Variants in EYS observed in about 807,000 individuals in gnomAD.
EYS encodes the protein EGF-like photoreceptor maintenance factor.
EYS carries 250 observed loss-of-function variants against 282.1 expected under a neutral mutation model. That is an observed-to-expected ratio of 0.89 (90% CI 0.80 to 0.98). The LOEUF (loss-of-function observed/expected upper bound fraction) is 0.98, where lower values mean the gene tolerates loss of function less well. EYS is among the 50% of genes least tolerant of loss of function. The pLI is 0.00. For synonymous variants in EYS, 1,355 were observed against 1,282.9 expected (o/e 1.06, Z -1.20); for missense variants, 4,016 against 3,709.0 (o/e 1.08, Z -2.15).
At chr6:64,331,649 C>T (rs1482968956) in intron 29 of EYS, among the ~76,000 whole-genome samples, 2 of 140,768 alleles carry the variant, frequency 1.4e-5, no homozygotes, top group Admixed American at 1.6e-4. Flanking sequence ...ATGGGAAAAA[C>T]TGCATTAGAG....
intron 28 of EYS, among the ~76,000 whole-genome samples, chr6:64,399,335 T>C (rs2150435014): frequency 6.6e-6 from 1 of 151,966 alleles, no homozygotes; most frequent in East Asian, 1.9e-4. Flanking sequence ...ATTATATCAA[T>C]TGACCTAAAA....
intron 11 of EYS, among the ~76,000 whole-genome samples, chr6:65,313,188 G>A (rs9445505): frequency 9.2e-5 from 14 of 151,988 alleles, no homozygotes; most frequent in African/African-American, 3.4e-4. Context: ...GGAGTCACCC[G>A]GGGCCTATTC....
intron 12 of EYS, among the ~76,000 whole-genome samples, chr6:65,145,417 G>A (rs1335797923): frequency 1.3e-5 from 2 of 151,398 alleles, no homozygotes; most frequent in Non-Finnish European, 1.5e-5. Context: ...TTGAAGCCCT[G>A]TATCTTTAGG....
intron 22 of EYS, among the ~76,000 whole-genome samples, chr6:64,748,299 C>T (rs1419268260): frequency 2.0e-5 from 3 of 152,202 alleles, no homozygotes; most frequent in Non-Finnish European, 2.9e-5. Flanking sequence ...TAGAGCAGCG[C>T]TCCCCAACAT....
chr6:63,949,676 T>G (rs543256727), intron 35 of EYS, among the ~76,000 whole-genome samples: 10 of 152,208 alleles, frequency 6.6e-5, no homozygotes, highest in Non-Finnish European at 1.3e-4. Context: ...AGACACACAG[T>G]TATTCTCATT....
rs188564520 is a variant in EYS at position 64,087,371 on chromosome 6, T to C, written c.6425-5369A>G. 5.8e-3 allele frequency among the ~76,000 whole-genome samples: 884 copies of C among 152,166 alleles called. 5 individuals carry two copies. The highest frequency in any genetic ancestry group is 0.01 in the Non-Finnish European group (703 of 67,936). On this transcript the variant is annotated intron_variant, in intron 31 of 42. Coordinates refer to ENST00000503581, the MANE Select transcript of EYS (RefSeq NM_001142800.2). ...ATAGAAGGAAACCCCAAGTTAGGAG[T>C]TGCACATGTTTTTGGGAGGTCCTGG...
At chr6:65,594,082 T>C (rs1765321094) in intron 2 of EYS, among the ~76,000 whole-genome samples, 1 of 151,980 alleles carries the variant, frequency 6.6e-6, no homozygotes. Flanking sequence ...TATATAGCAA[T>C]TAGAACAGCT....
chr6:64,912,769 G>T (rs9445437), intron 15 of EYS, 26 bp from the exon 16 acceptor site: 12 of 1,302,864 alleles, frequency 9.2e-6, no homozygotes, highest in Non-Finnish European at 1.2e-5. Flanking sequence ...AAAATTTTTA[G>T]AAGTGTGAAC....
chr6:64,807,714 G>A (rs1008568741), intron 22 of EYS, among the ~76,000 whole-genome samples: 3 of 152,004 alleles, frequency 2.0e-5, no homozygotes, highest in Non-Finnish European at 2.9e-5. Flanking sequence ...TGTTTAAAAT[G>A]TCCATTCACT....
chr6:63,776,401 G>T (rs1770065901), intron 40 of EYS, among the ~76,000 whole-genome samples: 1 of 152,014 alleles, frequency 6.6e-6, no homozygotes, highest in East Asian at 1.9e-4. Context: ...CTGATTTTGG[G>T]TCCTGCTGTA....
intron 10 of EYS, among the ~76,000 whole-genome samples, chr6:65,338,548 G>T (rs1770079159): frequency 6.6e-6 from 1 of 150,864 alleles, no homozygotes. Flanking sequence ...GTATTTCACA[G>T]GTCAACTGTA....
chr6:65,377,046 T>A (rs1273209418), intron 8 of EYS, among the ~76,000 whole-genome samples: 4 of 152,112 alleles, frequency 2.6e-5, no homozygotes, highest in Non-Finnish European at 5.9e-5. Flanking sequence ...TACAGAACTG[T>A]CCACATCAAA....
chr6:64,456,972 A>G (rs1775577389), intron 26 of EYS, among the ~76,000 whole-genome samples: 1 of 151,992 alleles, frequency 6.6e-6, no homozygotes, highest in Admixed American at 6.6e-5. Context: ...TGTAAAGCCA[A>G]TGTTATTATG....
chr6:65,164,476 T>C (rs1310124033), intron 12 of EYS, among the ~76,000 whole-genome samples: 1 of 151,426 alleles, frequency 6.6e-6, no homozygotes, highest in Non-Finnish European at 1.5e-5. Context: ...ATGCTTTCCA[T>C]TTTCTCTGCT....
At position 64,590,497 on chromosome 6, in the gene EYS, A is replaced by T; in HGVS notation, c.5370T>A (p.Asn1790Lys). The change falls in exon 26 of 43, where the codon AAT becomes AAA. Residue 1790 changes from asparagine to lysine, a missense_variant. Coordinates refer to ENST00000503581, the MANE Select transcript of EYS (RefSeq NM_001142800.2). ...SVPDFSEVTT[N>K]VAFYTVSATP... ...TTGCTGAAACTGTATAAAATGCAAC[A>T]TTGGTGGTGACTTCTGAAAAATCAG... 2 of 1,551,494 alleles carry T rather than the reference A, an allele frequency of 1.3e-6. No individual in the cohort carries two copies. Among genetic ancestry groups the T allele is most frequent in the African/African-American group, 1.4e-5 (1 of 73,162 alleles).
At chr6:64,233,464 T>C (rs1241228128) in intron 30 of EYS, among the ~76,000 whole-genome samples, 1 of 152,226 alleles carries the variant, frequency 6.6e-6, no homozygotes, top group African/African-American at 2.4e-5. Flanking sequence ...ACCTTATTTT[T>C]ACATACAGTT....
intron 31 of EYS, among the ~76,000 whole-genome samples, chr6:64,165,716 C>T (rs56792205): frequency 0.019 from 2,921 of 152,196 alleles, 83 homozygotes; most frequent in African/African-American, 0.066. Context: ...AAAGATGATT[C>T]CCATTAATAT....
At chr6:65,190,911 A>G (rs530531990) in intron 12 of EYS, among the ~76,000 whole-genome samples, 2 of 151,908 alleles carry the variant, frequency 1.3e-5, no homozygotes, top group South Asian at 2.1e-4. Flanking sequence ...GAACTTTCCT[A>G]TGTACTCTGT....
chr6:63,954,516 C>T (rs1765729333), intron 35 of EYS, among the ~76,000 whole-genome samples: 1 of 152,132 alleles, frequency 6.6e-6, no homozygotes, highest in Admixed American at 6.5e-5. Context: ...TCATTAATGC[C>T]TCTTTAATAA....
Sources: allele counts gnomAD v4.1 joint callset (sites outside exome capture counted in the v4.1 genomes callset), GRCh38; gene constraint gnomAD v4.1.1; transcripts MANE v1.5; gene names NCBI Gene and HGNC (gene_info 2026-07-23, HGNC 2026-07-21).